ZNF45: variants seen among roughly 807,000 people sequenced by gnomAD.
ZNF45 encodes the protein zinc finger protein 45, also known as BRC1744.
ZNF45 carries 4 observed loss-of-function variants against 12.0 expected under a neutral mutation model. That is an observed-to-expected ratio of 0.33 (90% CI 0.16 to 0.76). The LOEUF is 0.76. ZNF45 is among the 30% of genes least tolerant of loss of function. The probability of loss-of-function intolerance (pLI) is 0.60; values close to 1 mark genes in which losing one functional copy is unlikely to be tolerated. For missense variants in ZNF45, 700 were observed against 813.0 expected, an observed-to-expected ratio of 0.86 and a Z score of 1.69; for synonymous variants, 272 against 279.6, an observed-to-expected ratio of 0.97 and a Z score of 0.27.
Position 43,914,401 on chromosome 19 carries a change from T to C in ZNF45, c.1035A>G (p.Ser345=). Residue 345 remains serine (S), a synonymous_variant, in exon 10 of 10, where the codon TCA becomes TCG. Coordinates refer to ENST00000269973, the MANE Select transcript of ZNF45 (RefSeq NM_003425.4). ...GGATTCTACAATGAATATTAAGGTGTGAGCTGTAACTAAAGCTCTTGCCAC... is the reference window on the plus strand; with the variant it reads ...GGATTCTACAATGAATATTAAGGTGCGAGCTGTAACTAAAGCTCTTGCCAC... ...NACGKSFSYS[S]HLNIHCRIHT... 1 of 1,609,960 alleles carries C rather than the reference T, an allele frequency of 6.2e-7. No homozygotes were observed. Among genetic ancestry groups the C allele is most frequent in the African/African-American group, 1.3e-5 (1 of 74,978 alleles).
chr19:43,920,725 C>T (rs1973089966), intron 7 of ZNF45, among the ~76,000 whole-genome samples: 2 of 151,474 alleles, frequency 1.3e-5, no homozygotes, highest in Non-Finnish European at 1.5e-5. Context: ...CTCAGCCTCC[C>T]GAGAAGCTGG....
At position 43,918,952 on chromosome 19, in the gene ZNF45, G is replaced by A. The variant is rs553001316; in HGVS notation, c.153C>T (p.Ser51=). 1 of 1,613,930 alleles carries A rather than the reference G, an allele frequency of 6.2e-7. No individual in the cohort carries two copies. Among genetic ancestry groups the A allele is most frequent in the South Asian group, 1.1e-5 (1 of 91,086 alleles). ...CTAACTGTGGTAGGCCATCTGGTGT[G>A]GACTGATGCCCTGTGAAAAGGCAAG... ...FRNVVSVGHQ[S]TPDGLPQLER... The change falls in exon 9 of 10, where the codon TCC becomes TCT. Residue 51 remains serine, a synonymous_variant. Coordinates refer to ENST00000269973, the MANE Select transcript of ZNF45 (RefSeq NM_003425.4).
chr19:43,925,650 C>T (rs907557387), intron 3 of ZNF45, among the ~76,000 whole-genome samples, 192 bp from the exon 4 acceptor site: 2 of 152,166 alleles, frequency 1.3e-5, no homozygotes, highest in South Asian at 2.1e-4. Flanking sequence ...GAAATGGAGT[C>T]TTGCGCTGTG....
Position 43,922,212 on chromosome 19 carries a change from C to T in ZNF45, c.-27G>A, listed in dbSNP as rs1252709377. ...TTGTCCTCCTCCTTCTGGAGAAGTG[C>T]CAAGTCTTAAGAGGGAAGGAGAAAA... On this transcript the variant is annotated 5_prime_UTR_variant, in exon 7 of 10. Coordinates refer to ENST00000269973, the MANE Select transcript of ZNF45 (RefSeq NM_003425.4). 8.7e-6 allele frequency: 14 copies of T among 1,603,734 alleles called. No homozygotes were observed. The highest frequency in any genetic ancestry group is 2.2e-5 in the East Asian group (1 of 44,826).
intron 3 of ZNF45, among the ~76,000 whole-genome samples, chr19:43,929,514 C>T (rs1205292993): frequency 6.6e-6 from 1 of 152,208 alleles, no homozygotes; most frequent in African/African-American, 2.4e-5. Flanking sequence ...GGCCCCAGTT[C>T]CTTTCTCTGT....
chr19:43,921,715 T>C (rs922554606), intron 7 of ZNF45, among the ~76,000 whole-genome samples: 2 of 152,174 alleles, frequency 1.3e-5, no homozygotes, highest in African/African-American at 2.4e-5. Flanking sequence ...TACCTAAACA[T>C]TGATGAATGA....
At chr19:43,920,547 G>GGA (rs59985059) in intron 7 of ZNF45, among the ~76,000 whole-genome samples, 5 of 89,246 alleles carry the variant, frequency 5.6e-5, no homozygotes, top group Non-Finnish European at 2.4e-5. Flanking sequence ...GGGGGGGGGG[G>GGA]CAGTGGGCGG....
intron 7 of ZNF45, among the ~76,000 whole-genome samples, chr19:43,921,784 A>G (rs1043124775): frequency 1.3e-5 from 2 of 152,248 alleles, no homozygotes; most frequent in African/African-American, 4.8e-5. Context: ...GGACTATAAA[A>G]ATATGGAGCA....
intron 3 of ZNF45, among the ~76,000 whole-genome samples, chr19:43,930,404 T>C (rs1297446479): frequency 6.6e-6 from 1 of 152,118 alleles, no homozygotes; most frequent in Non-Finnish European, 1.5e-5. Flanking sequence ...AACCCCCGAA[T>C]TACTAATAAA....
chr19:43,918,730 AAATTAG>A lies in ZNF45; in HGVS notation c.235+134_235+139del, dbSNP rs1599769329. 1.2e-4 allele frequency: 79 copies of A among 665,170 alleles called. 1 individual carries two copies. In the East Asian group the frequency reaches 2.2e-3, roughly 18 times the overall value. The allele number at this position is 665,170 out of a possible 1,614,324, so 41.2% of individuals were successfully genotyped here. On this transcript the variant is annotated intron_variant, in intron 9 of 9. Coordinates refer to ENST00000269973, the MANE Select transcript of ZNF45 (RefSeq NM_003425.4). Reference sequence around the variant, plus strand: ...CTTCATATATCCAAAAGCACCCAATAAATTAGAATTAGATTAGATATTCATCAGGGG... The same window carrying A: ...CTTCATATATCCAAAAGCACCCAATAAATTAGATTAGATATTCATCAGGGG...
At chr19:43,926,220 C>T (rs536897520) in intron 3 of ZNF45, 1 of 152,246 alleles carries the variant, frequency 6.6e-6, no homozygotes, top group East Asian at 1.9e-4. Context: ...TCTAAGTCTC[C>T]CTGAGACTGA....
intron 3 of ZNF45, among the ~76,000 whole-genome samples, chr19:43,929,378 T>C (rs1161564961): frequency 6.6e-6 from 1 of 152,244 alleles, no homozygotes; most frequent in Admixed American, 6.5e-5. Flanking sequence ...GGCTATTTGA[T>C]ATCTGCTATT....
At chr19:43,922,292 T>A in intron 6 of ZNF45, 75 bp from the exon 7 acceptor site, 1 of 1,035,658 alleles carries the variant, frequency 9.7e-7, no homozygotes, top group Non-Finnish European at 1.4e-6. Flanking sequence ...AAACCATAGC[T>A]GTTTTTTTGT....
intron 2 of ZNF45, among the ~76,000 whole-genome samples, chr19:43,933,526 G>A (rs958454699): frequency 6.6e-6 from 1 of 152,038 alleles, no homozygotes; most frequent in Non-Finnish European, 1.5e-5. Flanking sequence ...TCATCATCTG[G>A]GTTTGTTTTA....
At chr19:43,919,843 A>C in intron 7 of ZNF45, 144 bp from the exon 8 acceptor site, 1 of 802,412 alleles carries the variant, frequency 1.2e-6, no homozygotes, top group Non-Finnish European at 1.9e-6. Context: ...AGTTAAACAC[A>C]TATAAAGTGT....
At chr19:43,919,848 A>C in intron 7 of ZNF45, 149 bp from the exon 8 acceptor site, 1 of 778,654 alleles carries the variant, frequency 1.3e-6, no homozygotes, top group Non-Finnish European at 1.9e-6. Flanking sequence ...AACACATATA[A>C]AGTGTATTAT....
chr19:43,918,821 A>C, intron 9 of ZNF45, 49 bp downstream of exon 9: 1 of 1,535,854 alleles, frequency 6.5e-7, no homozygotes, highest in Non-Finnish European at 9.0e-7. Context: ...ACCTTGGAAT[A>C]TCTCCAAGGC....
At chr19:43,932,918 G>A (rs1419744897) in intron 2 of ZNF45, among the ~76,000 whole-genome samples, 17 of 152,076 alleles carry the variant, frequency 1.1e-4, no homozygotes, top group African/African-American at 2.4e-5. Flanking sequence ...AAGTCCTAAC[G>A]CTCGGTATCT....
rs1193094138 is a variant in ZNF45 at position 43,935,051 on chromosome 19, A to T, written c.-883T>A. The stretch of plus-strand genomic sequence containing the variant: ...TCCACTTCCAACCAGGGGACTCCCG[A>T]ACCGCCCCGAACGCAGCAGCTCCGG... On this transcript the variant is annotated 5_prime_UTR_variant, in exon 1 of 10. Coordinates refer to ENST00000269973, the MANE Select transcript of ZNF45 (RefSeq NM_003425.4). The T allele has an allele frequency of 6.6e-6, 1 of 152,240 alleles. No individual in the cohort carries two copies. Among genetic ancestry groups the T allele is most frequent in the African/African-American group, 2.4e-5 (1 of 41,438 alleles). 9.4% of individuals were successfully genotyped at this position (152,240 alleles called of 1,614,324 possible). A position where few individuals can be genotyped will look rare whatever the true frequency, so the allele number is the denominator to read the frequency against.
Sources: allele counts gnomAD v4.1 joint callset (sites outside exome capture counted in the v4.1 genomes callset), GRCh38; gene constraint gnomAD v4.1.1; transcripts MANE v1.5; gene names NCBI Gene and HGNC (gene_info 2026-07-23, HGNC 2026-07-21).